The following SPATA17 variants were observed in gnomAD, a reference collection of about 807,000 sequenced individuals.
The protein encoded by SPATA17 is spermatogenesis-associated protein 17.
SPATA17 carries 53 observed loss-of-function variants against 62.2 expected under a neutral mutation model. That is an observed-to-expected ratio of 0.85 (90% CI 0.68 to 1.07). SPATA17 has a LOEUF of 1.07. Among genes scored for constraint, SPATA17 ranks in the 50% least tolerant of loss-of-function variants. The probability of loss-of-function intolerance (pLI) is 0.00; values close to 1 mark genes in which losing one functional copy is unlikely to be tolerated. For synonymous variants in SPATA17, 146 were observed against 146.8 expected, an observed-to-expected ratio of 0.99 and a Z score of 0.04; for missense variants, 466 against 425.5, an observed-to-expected ratio of 1.10 and a Z score of -0.84.
At chr1:217,760,079 T>C (rs1403303871) in intron 6 of SPATA17, among the ~76,000 whole-genome samples, 1 of 152,140 alleles carries the variant, frequency 6.6e-6, no homozygotes, top group Non-Finnish European at 1.5e-5. Context: ...GAGTAGAGCT[T>C]TTGCTCATTT....
rs74727159 is a variant in SPATA17 at position 217,660,874 on chromosome 1, A to C, written c.241-8159A>C. Among the ~76,000 whole-genome samples the C allele has an allele frequency of 3.8e-3, 581 of 152,342 alleles. 4 individuals are homozygous for C. Among genetic ancestry groups the C allele is most frequent in the Middle Eastern group, 0.01 (3 of 294 alleles). On this transcript the variant is annotated intron_variant, in intron 3 of 10. Coordinates refer to ENST00000366933, the MANE Select transcript of SPATA17 (RefSeq NM_138796.4). ...TGATAGTTATAATGATAACAAAAGC[A>C]AGGATGTTTATAAGAAACATTCTGA...
chr1:217,816,609 A>G (rs1275316704), intron 9 of SPATA17, among the ~76,000 whole-genome samples: 1 of 152,004 alleles, frequency 6.6e-6, no homozygotes, highest in Admixed American at 6.6e-5. Flanking sequence ...TATTGGATAC[A>G]TAATATACAT....
chr1:217,809,428 A>G (rs1389475305), intron 9 of SPATA17, among the ~76,000 whole-genome samples: 1 of 152,202 alleles, frequency 6.6e-6, no homozygotes, highest in African/African-American at 2.4e-5. Context: ...TATTTAGCTC[A>G]CGGTTATGGA....
intron 1 of SPATA17, among the ~76,000 whole-genome samples, chr1:217,632,655 T>C (rs1360404997): frequency 6.6e-6 from 1 of 152,172 alleles, no homozygotes; most frequent in African/African-American, 2.4e-5. Flanking sequence ...ATTATTTTTG[T>C]CTCCAACGTC....
At chr1:217,834,931 T>C (rs959946907) in intron 9 of SPATA17, among the ~76,000 whole-genome samples, 1 of 152,194 alleles carries the variant, frequency 6.6e-6, no homozygotes, top group Admixed American at 6.5e-5. Context: ...GTATTTTTAC[T>C]GTACCTTTTA....
chr1:217,839,294 T>A (rs1456018259), intron 9 of SPATA17, among the ~76,000 whole-genome samples: 1 of 152,086 alleles, frequency 6.6e-6, no homozygotes, highest in East Asian at 1.9e-4. Flanking sequence ...TTTTTGATGT[T>A]TGCATTCTGA....
At chr1:217,776,595 TTGGGAGGGTGAGG>T (rs1404835407) in intron 7 of SPATA17, among the ~76,000 whole-genome samples, 1 of 151,158 alleles carries the variant, frequency 6.6e-6, no homozygotes, top group Non-Finnish European at 1.5e-5. Context: ...TCCCAGCACT[TTGGGAGGGTGAGG>T]TGGGAGGATC....
chr1:217,860,569 C>T (rs1675878804), intron 9 of SPATA17, among the ~76,000 whole-genome samples: 1 of 152,148 alleles, frequency 6.6e-6, no homozygotes, highest in South Asian at 2.1e-4. Flanking sequence ...CACTCTATTG[C>T]TAGGCACTTT....
chr1:217,746,818 G>A (rs1364374965), intron 6 of SPATA17, among the ~76,000 whole-genome samples: 1 of 151,822 alleles, frequency 6.6e-6, no homozygotes, highest in Non-Finnish European at 1.5e-5. Context: ...AGACCCCTCA[G>A]GGTTTTATTA....
rs149882553 is a variant in SPATA17 at position 217,800,826 on chromosome 1, T to C, written c.873-892T>C. ...CTTTCTTATTTTCTGTCCTATTTCT[T>C]CTTATAGGTTTATAACTTTTTAAAA... is the stretch of plus-strand genomic sequence containing the variant. On this transcript the variant is annotated intron_variant, in intron 8 of 10. Transcript: ENST00000366933. Among the ~76,000 whole-genome samples, 1,203 of 152,320 alleles carry C rather than the reference T, an allele frequency of 7.9e-3. 17 individuals carry two copies. Among genetic ancestry groups the C allele is most frequent in the African/African-American group, 0.027 (1,137 of 41,566 alleles).
chr1:217,778,008 A>AT (rs931165714), intron 7 of SPATA17, among the ~76,000 whole-genome samples: 4 of 152,150 alleles, frequency 2.6e-5, no homozygotes, highest in African/African-American at 4.8e-5. Context: ...GTACATTACT[A>AT]TTTTTCTATT....
chr1:217,650,880 A>G (rs535734042), intron 2 of SPATA17, among the ~76,000 whole-genome samples: 1 of 152,366 alleles, frequency 6.6e-6, no homozygotes, highest in Non-Finnish European at 1.5e-5. Flanking sequence ...TTGTGTAATA[A>G]TAAGCCCCAA....
chr1:217,781,436 C>T (rs963261667), intron 7 of SPATA17, among the ~76,000 whole-genome samples: 1 of 152,054 alleles, frequency 6.6e-6, no homozygotes, highest in Non-Finnish European at 1.5e-5. Flanking sequence ...TTGTATTGTG[C>T]CTAATACGAT....
chr1:217,766,680 T>A (rs913489998), intron 6 of SPATA17, among the ~76,000 whole-genome samples: 24 of 151,514 alleles, frequency 1.6e-4, no homozygotes, highest in African/African-American at 3.9e-4. Flanking sequence ...TCCCTTTTTT[T>A]AAAAAAATGT....
At chr1:217,712,415 C>T (rs541831254) in intron 5 of SPATA17, among the ~76,000 whole-genome samples, 6 of 152,226 alleles carry the variant, frequency 3.9e-5, no homozygotes, top group Non-Finnish European at 5.9e-5. Context: ...CGTGAGCCAC[C>T]GCACCTGGCC....
chr1:217,649,585 A>G (rs1003097898), intron 2 of SPATA17, among the ~76,000 whole-genome samples: 3 of 152,198 alleles, frequency 2.0e-5, no homozygotes, highest in African/African-American at 7.2e-5. Context: ...ATAGCAATAA[A>G]TTCATTGACT....
chr1:217,644,481 G>T (rs1307224758), intron 1 of SPATA17, among the ~76,000 whole-genome samples: 1 of 151,938 alleles, frequency 6.6e-6, no homozygotes, highest in East Asian at 1.9e-4. Flanking sequence ...GTCTAAAATA[G>T]TTACAAGTTA....
chr1:217,724,503 A>G (rs372835030), intron 5 of SPATA17, among the ~76,000 whole-genome samples: 300 of 152,128 alleles, frequency 2.0e-3, no homozygotes, highest in African/African-American at 6.6e-3. Flanking sequence ...CAGGAGAATC[A>G]CCTGAACCCA....
intron 5 of SPATA17, among the ~76,000 whole-genome samples, chr1:217,716,824 C>A (rs1483117865): frequency 6.6e-6 from 1 of 152,188 alleles, no homozygotes; most frequent in African/African-American, 2.4e-5. Context: ...AGGGCAATCA[C>A]AGCAAGTCAT....
Sources: gnomAD v4.1 joint callset for allele counts (sites outside exome capture counted in the v4.1 genomes callset) on GRCh38, gnomAD v4.1.1 for gene constraint, MANE v1.5 for transcripts, NCBI Gene and HGNC (gene_info 2026-07-23, HGNC 2026-07-21) for gene names.